CFAP43: variants seen among roughly 807,000 people sequenced by gnomAD.
CFAP43 encodes cilia- and flagella-associated protein 43.
CFAP43 carries 155 observed loss-of-function variants against 218.9 expected under a neutral mutation model. The observed-to-expected ratio is 0.71, with a 90% confidence interval of 0.62 to 0.81. The LOEUF (loss-of-function observed/expected upper bound fraction) is 0.81, where lower values mean the gene tolerates loss of function less well. Ranked by LOEUF, CFAP43 falls within the 30% of genes least tolerant of loss-of-function variation. CFAP43 has a pLI of 0.00. For synonymous variants in CFAP43, 645 were observed against 681.3 expected (o/e 0.95, Z 0.83); for missense variants, 1,778 against 1,954.3 (o/e 0.91, Z 1.70).
chr10:104,205,212 C>CAAAAAA (rs71022723), intron 7 of CFAP43, among the ~76,000 whole-genome samples: 126 of 55,460 alleles, frequency 2.3e-3, no homozygotes, highest in African/African-American at 2.7e-3. Context: ...GACTCCGTCT[C>CAAAAAA]AAAAAAAAAA....
intron 3 of CFAP43, among the ~76,000 whole-genome samples, chr10:104,221,388 T>C (rs561950062): frequency 3.0e-4 from 45 of 152,268 alleles, no homozygotes; most frequent in Non-Finnish European, 5.4e-4. Context: ...TATTGGGGTA[T>C]TGGGACTTTT....
chr10:104,167,790 G>A (rs573892994), intron 21 of CFAP43, 53 bp from the exon 22 acceptor site: 4 of 1,364,454 alleles, frequency 2.9e-6, no homozygotes, highest in African/African-American at 1.4e-5. Context: ...ATAATTGTGT[G>A]TATCTGGGGT....
At chr10:104,188,949 A>G (rs1188421629) in intron 12 of CFAP43, among the ~76,000 whole-genome samples, 1 of 152,094 alleles carries the variant, frequency 6.6e-6, no homozygotes, top group African/African-American at 2.4e-5. Flanking sequence ...CCCATTCTTC[A>G]TGGGACTGTG....
chr10:104,156,408 T>A (rs2088547886), intron 27 of CFAP43, among the ~76,000 whole-genome samples: 1 of 152,232 alleles, frequency 6.6e-6, no homozygotes, highest in African/African-American at 2.4e-5. Context: ...TTGTTTTGTT[T>A]GTTTGGAGGG....
In CFAP43 at chr10:104,141,021, A is replaced by C. The variant is rs2087682359; in HGVS notation, c.4272-20T>G. 6.3e-7 allele frequency: 1 copy of C among 1,596,046 alleles called. No individual in the cohort carries two copies. The highest frequency in any genetic ancestry group is 8.5e-7 in the Non-Finnish European group (1 of 1,171,462). ...TGTAATCTGAATTGAAAAGTACTTC[A>C]AAGCAAGTAGTTGTAATATATTTCA... On this transcript the variant is annotated intron_variant, in intron 33 of 37. Transcript: ENST00000357060.
At chr10:104,130,914 A>C (rs2087150486) in intron 37 of CFAP43, among the ~76,000 whole-genome samples, 1 of 151,074 alleles carries the variant, frequency 6.6e-6, no homozygotes, top group Non-Finnish European at 1.5e-5. Flanking sequence ...TGGGAGGATC[A>C]ATTGAGCCCA....
At chr10:104,180,445 C>CT (rs34452460) in intron 17 of CFAP43, among the ~76,000 whole-genome samples, 9,323 of 124,618 alleles carry the variant, frequency 0.075, 475 homozygotes, top group South Asian at 0.14. Context: ...CACCCTATTT[C>CT]TTTTTTTTTT....
Position 104,172,451 on chromosome 10 carries a change from G to T in CFAP43, c.2545C>A (p.Leu849Ile), listed in dbSNP as rs374271202. Residue 849 changes from leucine (L) to isoleucine (I), a missense_variant, in exon 20 of 38, where the codon CTA becomes ATA. Physicochemically the swap from Leu to Ile is conservative, Grantham distance 5. Transcript: ENST00000357060. ...TGACTTTCATCATGAAGCCTTTCTA[G>T]TTCCTCAAGATCCAGACCAAATTCC... Reference protein sequence around the residue: ...QQEFGLDLEELERLHDESQEE... With the variant: ...QQEFGLDLEEIERLHDESQEE... The T allele has an allele frequency of 1.2e-6, 2 of 1,608,534 alleles. No homozygotes were observed. Among genetic ancestry groups the T allele is most frequent in the Non-Finnish European group, 1.7e-6 (2 of 1,178,548 alleles).
At chr10:104,201,905 C>T (rs1207271420) in intron 8 of CFAP43, among the ~76,000 whole-genome samples, 1 of 151,966 alleles carries the variant, frequency 6.6e-6, no homozygotes, top group Non-Finnish European at 1.5e-5. Flanking sequence ...TTTTTTCACC[C>T]GCATACTGAA....
intron 17 of CFAP43, among the ~76,000 whole-genome samples, chr10:104,180,155 T>C (rs1278948860): frequency 6.6e-6 from 1 of 152,246 alleles, no homozygotes; most frequent in Admixed American, 6.5e-5. Context: ...GAAGCAGAGA[T>C]GATCAGACCA....
Position 104,223,983 on chromosome 10 carries a change from C to T in CFAP43, c.416+1478G>A, listed in dbSNP as rs191757172. Among the ~76,000 whole-genome samples, 19 of 152,274 alleles carry T rather than the reference C, an allele frequency of 1.2e-4. No individual in the cohort carries two copies. In the East Asian group the frequency reaches 3.7e-3, roughly 29 times the overall value. On this transcript the variant is annotated intron_variant, in intron 3 of 37. Transcript: ENST00000357060. ...AACTAGAGTGACAGAAACTACATTA[C>T]TGACAAAGGCTAATGAAGAAGCTCT...
chr10:104,211,699 C>T (rs2090868197), intron 5 of CFAP43, among the ~76,000 whole-genome samples: 1 of 152,192 alleles, frequency 6.6e-6, no homozygotes, highest in Non-Finnish European at 1.5e-5. Context: ...ACACTAGGTC[C>T]ACTTTCCCAA....
chr10:104,134,301 G>T (rs955365212), intron 34 of CFAP43, among the ~76,000 whole-genome samples: 1 of 152,162 alleles, frequency 6.6e-6, no homozygotes, highest in Admixed American at 6.5e-5. Flanking sequence ...AGGAGGCTGA[G>T]GCAGGAGGAT....
At chr10:104,161,622 T>C (rs1429133502) in intron 26 of CFAP43, among the ~76,000 whole-genome samples, 1 of 152,192 alleles carries the variant, frequency 6.6e-6, no homozygotes, top group African/African-American at 2.4e-5. Flanking sequence ...TTATTATCTG[T>C]CTAACGTGGT....
intron 19 of CFAP43, among the ~76,000 whole-genome samples, chr10:104,176,223 G>C (rs1197074913): frequency 6.6e-6 from 1 of 152,130 alleles, no homozygotes; most frequent in Non-Finnish European, 1.5e-5. Context: ...TGATAGAGAA[G>C]ACATTGCAAA....
rs776774313 is a variant in CFAP43, at chr10:104,147,935, C to T, written c.3724G>A (p.Glu1242Lys). The change falls in exon 29 of 38, where the codon GAA becomes AAA. Residue 1242 changes from glutamate (E) to lysine (K), a missense_variant. Coordinates refer to ENST00000357060, the MANE Select transcript of CFAP43 (RefSeq NM_025145.7). ...LLLDEELSSR[E>K]KFLNNYLTRK... is the part of the protein sequence containing the mutation. ...GTAAGGTAGTTGTTCAGGAATTTTTCTCTAGAGCTTAATTCTTCATCCAAC... is the reference window on the plus strand; with the variant it reads ...GTAAGGTAGTTGTTCAGGAATTTTTTTCTAGAGCTTAATTCTTCATCCAAC... 93 of 1,603,612 alleles carry T rather than the reference C, an allele frequency of 5.8e-5. No individual in the cohort carries two copies. Among genetic ancestry groups the T allele is most frequent in the Non-Finnish European group, 7.4e-5 (87 of 1,174,684 alleles).
chr10:104,150,319 C>T (rs1394999813), intron 28 of CFAP43, among the ~76,000 whole-genome samples: 5 of 152,144 alleles, frequency 3.3e-5, no homozygotes, highest in South Asian at 2.1e-4. Flanking sequence ...CCAGTGATTA[C>T]ATTCTTCTAT....
At chr10:104,193,642 C>T (rs951472694) in intron 11 of CFAP43, 6 of 496,686 alleles carry the variant, frequency 1.2e-5, no homozygotes, top group African/African-American at 1.2e-4. Flanking sequence ...TCAGGAGAGA[C>T]ATGAGAAATT....
chr10:104,167,796 G>A, intron 21 of CFAP43, 59 bp from the exon 22 acceptor site: 1 of 1,296,732 alleles, frequency 7.7e-7, no homozygotes, highest in Non-Finnish European at 1.1e-6. Flanking sequence ...GTGTGTATCT[G>A]GGGTTGAGTA....
Sources: gnomAD v4.1 joint callset for allele counts (sites outside exome capture counted in the v4.1 genomes callset) on GRCh38, gnomAD v4.1.1 for gene constraint, MANE v1.5 for transcripts, NCBI Gene and HGNC (gene_info 2026-07-23, HGNC 2026-07-21) for gene names.